Variants in CNTNAP2 observed in about 807,000 individuals in gnomAD.
CNTNAP2 encodes the protein contactin associated protein 2.
A neutral mutation model predicts 155.2 loss-of-function variants in CNTNAP2; 98 were observed. That is an observed-to-expected ratio of 0.63 (90% confidence interval 0.54 to 0.75). The LOEUF (loss-of-function observed/expected upper bound fraction) is 0.75. CNTNAP2 is among the 30% of genes least tolerant of loss of function. The pLI is 0.00. For synonymous variants in CNTNAP2, 651 were observed against 631.2 expected, an observed-to-expected ratio of 1.03 and a Z score of -0.47; for missense variants, 1,727 against 1,688.1, an observed-to-expected ratio of 1.02 and a Z score of -0.40.
chr7:146,452,049 C>T (rs1239357694), intron 1 of CNTNAP2, among the ~76,000 whole-genome samples: 1 of 151,562 alleles, frequency 6.6e-6, no homozygotes, highest in Non-Finnish European at 1.5e-5. Flanking sequence ...GCTGGGACTA[C>T]AGGCACGTGC....
chr7:146,638,686 C>T (rs991139079), intron 1 of CNTNAP2, among the ~76,000 whole-genome samples: 6 of 151,540 alleles, frequency 4.0e-5, no homozygotes, highest in African/African-American at 7.3e-5. Flanking sequence ...GGGGTTTCAC[C>T]GTGTTAGCCA....
chr7:147,315,701 C>T (rs1287754505), intron 9 of CNTNAP2, among the ~76,000 whole-genome samples: 2 of 151,918 alleles, frequency 1.3e-5, no homozygotes, highest in South Asian at 2.1e-4. Flanking sequence ...ATGATGGTCT[C>T]GATCTCCTGA....
chr7:147,615,479 A>G (rs2023973), intron 12 of CNTNAP2, among the ~76,000 whole-genome samples: 3 of 151,912 alleles, frequency 2.0e-5, no homozygotes, highest in South Asian at 2.1e-4. Flanking sequence ...TATAATTTGT[A>G]TATTACGATA....
Position 147,966,401 on chromosome 7 carries a change from G to A in CNTNAP2, c.2256-11461G>A, listed in dbSNP as rs149513754. ...AGTCCGATTATTGTTTTTCATGAGT[G>A]TTGAAGTCTATGGAAACAATGAAGG... On this transcript the variant is annotated intron_variant, in intron 14 of 23. Transcript: ENST00000361727. Among the ~76,000 whole-genome samples the A allele has an allele frequency of 2.0e-3, 310 of 152,192 alleles. 2 individuals are homozygous for A. Among genetic ancestry groups the A allele is most frequent in the African/African-American group, 7.0e-3 (289 of 41,522 alleles).
At chr7:147,790,864 T>C (rs1177749604) in intron 13 of CNTNAP2, among the ~76,000 whole-genome samples, 1 of 152,230 alleles carries the variant, frequency 6.6e-6, no homozygotes, top group Non-Finnish European at 1.5e-5. Flanking sequence ...CTCTGAGCAT[T>C]TTGCAGACGT....
chr7:147,214,575 A>G (rs1477847841), intron 8 of CNTNAP2, among the ~76,000 whole-genome samples: 2 of 152,172 alleles, frequency 1.3e-5, no homozygotes, highest in South Asian at 4.1e-4. Context: ...TATCTCATAT[A>G]GCCATAAGAG....
intron 12 of CNTNAP2, among the ~76,000 whole-genome samples, chr7:147,600,563 G>C (rs1054087468): frequency 6.6e-6 from 1 of 152,160 alleles, no homozygotes; most frequent in African/African-American, 2.4e-5. Flanking sequence ...CCTGTGAAAA[G>C]CATTCTTAGC....
intron 9 of CNTNAP2, among the ~76,000 whole-genome samples, chr7:147,375,846 G>A (rs774948831): frequency 1.3e-5 from 2 of 152,026 alleles, no homozygotes; most frequent in Non-Finnish European, 2.9e-5. Flanking sequence ...TTACTTTGGT[G>A]AGTTTTCAGA....
rs553775641 is a variant in CNTNAP2 at position 146,524,583 on chromosome 7, A to G, written c.98-249688A>G. On this transcript the variant is annotated intron_variant, in intron 1 of 23. Coordinates refer to ENST00000361727, the MANE Select transcript of CNTNAP2 (RefSeq NM_014141.6). ...TAACAGTTTATGTTTCTCAACATAAAATACTATCGTCGTCATGCCAGACTG... is the reference window on the plus strand; with the variant it reads ...TAACAGTTTATGTTTCTCAACATAAGATACTATCGTCGTCATGCCAGACTG... Among the ~76,000 whole-genome samples, 363 of 152,234 alleles carry G rather than the reference A, an allele frequency of 2.4e-3. 4 individuals are homozygous for G. The highest frequency in any genetic ancestry group is 8.4e-3 in the African/African-American group (348 of 41,544).
chr7:146,228,211 A>G (rs73739577), intron 1 of CNTNAP2, among the ~76,000 whole-genome samples: 4,570 of 152,316 alleles, frequency 0.03, 229 homozygotes, highest in African/African-American at 0.11. Context: ...GAGGAGAAAT[A>G]GAGTTTGAAG....
At chr7:148,224,839 G>A (rs924677093) in intron 19 of CNTNAP2, among the ~76,000 whole-genome samples, 1 of 152,164 alleles carries the variant, frequency 6.6e-6, no homozygotes, top group Non-Finnish European at 1.5e-5. Flanking sequence ...GGAGGGAGAA[G>A]TGCAGAGCAA....
At chr7:146,837,749 AC>A (rs559890776) in intron 2 of CNTNAP2, among the ~76,000 whole-genome samples, 16 of 152,190 alleles carry the variant, frequency 1.1e-4, no homozygotes, top group African/African-American at 3.9e-4. Context: ...TTTTTCAGTA[AC>A]CTTTGCTCAG....
chr7:147,218,047 C>T (rs1425745211), intron 8 of CNTNAP2, among the ~76,000 whole-genome samples: 1 of 151,886 alleles, frequency 6.6e-6, no homozygotes, highest in Non-Finnish European at 1.5e-5. Flanking sequence ...GTTAGCCTAG[C>T]TAGAGGCTTA....
chr7:148,359,407 A>C (rs1798578428), intron 21 of CNTNAP2, among the ~76,000 whole-genome samples: 1 of 152,246 alleles, frequency 6.6e-6, no homozygotes, highest in Admixed American at 6.5e-5. Flanking sequence ...TGTATACTAA[A>C]TTTGAAGACA....
At chr7:148,371,996 C>T (rs919156732) in intron 21 of CNTNAP2, among the ~76,000 whole-genome samples, 1 of 151,954 alleles carries the variant, frequency 6.6e-6, no homozygotes, top group Non-Finnish European at 1.5e-5. Context: ...GTCAGGAGAT[C>T]GAGACCAGCC....
rs1563079514 is a variant in CNTNAP2 at position 148,413,435 on chromosome 7, T to A, written c.3797-1982T>A. On this transcript the variant is annotated intron_variant, in intron 23 of 23. Coordinates refer to ENST00000361727, the MANE Select transcript of CNTNAP2 (RefSeq NM_014141.6). ...ATATATATATATATATATATATATA[T>A]ATATATATATATTGCTCCATAGTTT... is the stretch of plus-strand genomic sequence containing the variant. 2.8e-4 allele frequency among the ~76,000 whole-genome samples: 30 copies of A among 108,058 alleles called. 5 individuals carry two copies. Among genetic ancestry groups the A allele is most frequent in the African/African-American group, 6.6e-4 (18 of 27,296 alleles). 70.9% of individuals were successfully genotyped at this position (108,058 alleles called of 152,430 possible). A position where few individuals can be genotyped will look rare whatever the true frequency, so the allele number is the denominator to read the frequency against.
At chr7:146,937,922 A>G (rs964335495) in intron 3 of CNTNAP2, among the ~76,000 whole-genome samples, 3 of 152,152 alleles carry the variant, frequency 2.0e-5, no homozygotes, top group Admixed American at 2.0e-4. Context: ...AAGAATTTCA[A>G]CATCTTTCTG....
At chr7:148,397,084 C>A (rs1224410127) in intron 22 of CNTNAP2, among the ~76,000 whole-genome samples, 1 of 152,132 alleles carries the variant, frequency 6.6e-6, no homozygotes, top group African/African-American at 2.4e-5. Flanking sequence ...TTTGTTTTAT[C>A]CTGGAATGGC....
chr7:147,047,271 G>A (rs1340744074), intron 4 of CNTNAP2, among the ~76,000 whole-genome samples: 1 of 118,892 alleles, frequency 8.4e-6, no homozygotes, highest in Non-Finnish European at 1.6e-5. Context: ...ACCACGCCCG[G>A]CTAATTTTTT....
Sources: allele counts gnomAD v4.1 joint callset (sites outside exome capture counted in the v4.1 genomes callset), GRCh38; gene constraint gnomAD v4.1.1; transcripts MANE v1.5; gene names NCBI Gene and HGNC (gene_info 2026-07-23, HGNC 2026-07-21).